The following PDE1C variants were observed in gnomAD, a reference collection of about 807,000 sequenced individuals.
The protein encoded by PDE1C is dual specificity calcium/calmodulin-dependent 3',5'-cyclic nucleotide phosphodiesterase 1C.
PDE1C carries 62 observed loss-of-function variants against 93.1 expected under a neutral mutation model. The observed-to-expected ratio is 0.67, with a 90% CI of 0.54 to 0.82. The LOEUF (loss-of-function observed/expected upper bound fraction) is 0.82. PDE1C is among the 40% of genes least tolerant of loss of function. The pLI is 0.00. For missense variants in PDE1C, 742 were observed against 884.6 expected (o/e 0.84, Z 2.04); for synonymous variants, 325 against 310.1 (o/e 1.05, Z -0.50).
At chr7:31,888,679 T>C (rs2128894925) in intron 2 of PDE1C, among the ~76,000 whole-genome samples, 1 of 152,226 alleles carries the variant, frequency 6.6e-6, no homozygotes, top group East Asian at 1.9e-4. Context: ...AGGTAAACTA[T>C]TAATAATTCT....
chr7:32,115,160 C>T (rs910387482), intron 3 of PDE1C, among the ~76,000 whole-genome samples: 3 of 152,016 alleles, frequency 2.0e-5, no homozygotes, highest in African/African-American at 7.3e-5. Context: ...AATAAACACG[C>T]CCACGTATGT....
At chr7:32,183,753 T>G (rs1171570647) in intron 2 of PDE1C, among the ~76,000 whole-genome samples, 4 of 152,180 alleles carry the variant, frequency 2.6e-5, no homozygotes, top group African/African-American at 9.7e-5. Flanking sequence ...AAGGACTTCA[T>G]GTCTAAAACA....
chr7:31,643,976 A>T, the PDE1C span: 18 of 1,575,004 alleles, frequency 1.1e-5, no homozygotes, highest in African/African-American at 2.4e-4. Flanking sequence ...CCTGGCAAAG[A>T]TGGAAAGGCA....
intron 17 of PDE1C, among the ~76,000 whole-genome samples, chr7:31,771,263 C>T (rs1795471369): frequency 6.6e-6 from 1 of 152,230 alleles, no homozygotes; most frequent in African/African-American, 2.4e-5. Flanking sequence ...TTCTAACCTG[C>T]ACTTCCCTGC....
In PDE1C at chr7:31,809,798, G is replaced by A. The variant is rs114383328; in HGVS notation, c.1814-690C>T. ...CAGGGCAATAAAACCATAACGTTTG[G>A]GGTTATCTTCTCTCTCAGTCAAAAA... On this transcript the variant is annotated intron_variant, in intron 15 of 17. Coordinates refer to ENST00000396191, the MANE Select transcript of PDE1C (RefSeq NM_001191057.4). Among the ~76,000 whole-genome samples, 464 of 152,058 alleles carry A rather than the reference G, an allele frequency of 3.1e-3. 6 individuals carry two copies. Among genetic ancestry groups the A allele is most frequent in the African/African-American group, 0.011 (441 of 41,486 alleles).
At chr7:31,721,844 A>G in the PDE1C span, among the ~76,000 whole-genome samples, 1 of 152,176 alleles carries the variant, frequency 6.6e-6, no homozygotes, top group Non-Finnish European at 1.5e-5. Flanking sequence ...CTGGAAGGAA[A>G]ATAATATTCC....
chr7:31,946,953 T>C (rs1806700180), intron 2 of PDE1C, among the ~76,000 whole-genome samples: 1 of 152,184 alleles, frequency 6.6e-6, no homozygotes, highest in African/African-American at 2.4e-5. Flanking sequence ...GCCTTCATTG[T>C]GTGTGAGGAT....
chr7:31,731,459 C>G, the PDE1C span, among the ~76,000 whole-genome samples: 2 of 152,110 alleles, frequency 1.3e-5, no homozygotes, highest in African/African-American at 4.8e-5. Flanking sequence ...GGTGTGATCT[C>G]AGCTCACTGC....
At position 32,290,410 on chromosome 7, in the gene PDE1C, T is replaced by C. The variant is rs10227213; in HGVS notation, c.85+8241A>G. On this transcript the variant is annotated intron_variant, in intron 1 of 18. Transcript: ENST00000396193. Reference sequence around the variant, plus strand: ...GCCCACACCCTGATTTCAGAATCCCTCCATCATCACAACCAACAGCTACCA... The same window carrying C: ...GCCCACACCCTGATTTCAGAATCCCCCCATCATCACAACCAACAGCTACCA... Among the ~76,000 whole-genome samples, 908 of 152,240 alleles carry C rather than the reference T, an allele frequency of 6.0e-3. 8 individuals are homozygous for C. The highest frequency in any genetic ancestry group is 0.021 in the African/African-American group (869 of 41,528).
intron 1 of PDE1C, among the ~76,000 whole-genome samples, chr7:32,242,525 T>A (rs920013753): frequency 6.6e-6 from 1 of 152,192 alleles, no homozygotes; most frequent in Admixed American, 6.5e-5. Context: ...GAGGATTGTC[T>A]CTTTGGTAAA....
chr7:31,926,667 C>T (rs1352721308), intron 2 of PDE1C, among the ~76,000 whole-genome samples: 2 of 152,158 alleles, frequency 1.3e-5, no homozygotes, highest in Non-Finnish European at 2.9e-5. Context: ...GGCATCGCCT[C>T]ACCTGGGAAA....
At chr7:31,645,261 A>G in the PDE1C span, among the ~76,000 whole-genome samples, 4 of 152,228 alleles carry the variant, frequency 2.6e-5, no homozygotes, top group Non-Finnish European at 5.9e-5. Context: ...AAGATAAAGC[A>G]AATTACTACT....
chr7:31,858,759 G>C (rs1025330399), intron 7 of PDE1C, among the ~76,000 whole-genome samples: 1 of 151,906 alleles, frequency 6.6e-6, no homozygotes, highest in Non-Finnish European at 1.5e-5. Flanking sequence ...ATATTCTACT[G>C]TATGCTAGGC....
chr7:32,401,995 A>G (rs1784953097), intron 1 of PDE1C, among the ~76,000 whole-genome samples: 1 of 152,216 alleles, frequency 6.6e-6, no homozygotes, highest in Admixed American at 6.5e-5. Flanking sequence ...AAGTATCAAG[A>G]AGTCTGCTAA....
chr7:31,661,999 G>T, the PDE1C span, among the ~76,000 whole-genome samples: 5 of 152,092 alleles, frequency 3.3e-5, no homozygotes, highest in Non-Finnish European at 5.9e-5. Context: ...AATGGTTATG[G>T]TTATTGGATT....
intron 1 of PDE1C, among the ~76,000 whole-genome samples, chr7:32,424,012 G>A (rs1241148645): frequency 6.6e-6 from 1 of 152,204 alleles, no homozygotes; most frequent in Non-Finnish European, 1.5e-5. Context: ...AAGAATAGCT[G>A]TGAACTGTTG....
rs1276766780 is a variant in PDE1C, at chr7:32,380,439, GGTTCCACATC to G, written c.310+47373_310+47382del. 2.8e-5 allele frequency among the ~76,000 whole-genome samples: 4 copies of G among 144,648 alleles called. No homozygotes were observed. In the East Asian group the frequency reaches 8.3e-4, roughly 30 times the overall value. The allele number at this position is 144,648 out of a possible 152,430, so 94.9% of individuals were successfully genotyped here. A position where few individuals can be genotyped will look rare whatever the true frequency, so the allele number is the denominator to read the frequency against. ...TTTTTTGTATTTTTAGTAGAGACAG[GGTTCCACATC>G]GTTAGCCAGGCTGGTCTCAAACTCC... is the stretch of plus-strand genomic sequence containing the variant. On this transcript the variant is annotated intron_variant, in intron 1 of 1. Transcript: ENST00000672256.
At chr7:31,960,876 A>G (rs1325105464) in intron 2 of PDE1C, among the ~76,000 whole-genome samples, 1 of 152,172 alleles carries the variant, frequency 6.6e-6, no homozygotes, top group Non-Finnish European at 1.5e-5. Flanking sequence ...TGTTTCTCTT[A>G]TTCTCTCCAG....
chr7:32,088,019 A>G (rs1308129496), intron 3 of PDE1C, among the ~76,000 whole-genome samples: 1 of 142,660 alleles, frequency 7.0e-6, no homozygotes, highest in Non-Finnish European at 1.5e-5. Context: ...AAATAAAAAA[A>G]TAAAAAATAA....
Sources: gnomAD v4.1 joint callset for allele counts (sites outside exome capture counted in the v4.1 genomes callset) on GRCh38, gnomAD v4.1.1 for gene constraint, MANE v1.5 for transcripts, NCBI Gene and HGNC (gene_info 2026-07-23, HGNC 2026-07-21) for gene names.